The following DPYSL2 variants were observed in gnomAD, a reference collection of about 807,000 sequenced individuals.
DPYSL2 encodes the protein dihydropyrimidinase like 2, also known as dihydropyrimidinase-related protein 2.
In DPYSL2, 13 loss-of-function variants were observed where a neutral mutation model predicts 69.9. That is an observed-to-expected ratio of 0.19 (90% confidence interval 0.12 to 0.30). The LOEUF is 0.30. Among genes scored for constraint, DPYSL2 ranks in the 10% least tolerant of loss-of-function variants. DPYSL2 has a pLI of 1.00. For missense variants in DPYSL2, 587 were observed against 918.9 expected (o/e 0.64, Z 4.67); for synonymous variants, 326 against 359.1 (o/e 0.91, Z 1.04).
intron 1 of DPYSL2, among the ~76,000 whole-genome samples, chr8:26,567,354 G>T (rs1231230914): frequency 4.0e-5 from 5 of 124,000 alleles, no homozygotes; most frequent in Non-Finnish European, 5.4e-5. Flanking sequence ...ACATACATCT[G>T]CCCATCCATC....
chr8:26,561,240 A>G (rs1370599880), intron 1 of DPYSL2, among the ~76,000 whole-genome samples: 2 of 152,096 alleles, frequency 1.3e-5, no homozygotes, highest in Admixed American at 6.5e-5. Flanking sequence ...TGTCCAATAC[A>G]TGCTACTCTG....
intron 1 of DPYSL2, among the ~76,000 whole-genome samples, chr8:26,577,585 C>G (rs1801381173): frequency 6.7e-6 from 1 of 149,606 alleles, no homozygotes; most frequent in African/African-American, 2.4e-5. Flanking sequence ...CCCCGAAGCC[C>G]CGCCGTCTCG....
At chr8:26,577,159 C>A (rs753551371) in intron 1 of DPYSL2, 1 of 447,584 alleles carries the variant, frequency 2.2e-6, no homozygotes, top group South Asian at 1.6e-5. Flanking sequence ...TCAGGGCTCT[C>A]ATTTCCTGCA....
At chr8:26,576,939 GGAGCC>G in intron 1 of DPYSL2, 1 of 287,270 alleles carries the variant, frequency 3.5e-6, no homozygotes. Context: ...CACCCCTCAG[GGAGCC>G]GAGGTGGGCG....
At chr8:26,576,010 G>A (rs1241729379) in intron 1 of DPYSL2, among the ~76,000 whole-genome samples, 1 of 152,138 alleles carries the variant, frequency 6.6e-6, no homozygotes, top group Non-Finnish European at 1.5e-5. Flanking sequence ...CCGGTTGACA[G>A]CAATACTTGC....
At chr8:26,515,145 G>A (rs1808257002) in intron 1 of DPYSL2, among the ~76,000 whole-genome samples, 1 of 152,262 alleles carries the variant, frequency 6.6e-6, no homozygotes, top group Non-Finnish European at 1.5e-5. Flanking sequence ...TCGGACGGCC[G>A]CTCCCTACAG....
chr8:26,547,820 A>G, intron 1 of DPYSL2: 1 of 360,336 alleles, frequency 2.8e-6, no homozygotes, highest in Non-Finnish European at 5.8e-6. Context: ...TTCTTGCCAC[A>G]GAAAGTCATA....
intron 1 of DPYSL2, among the ~76,000 whole-genome samples, chr8:26,556,351 AG>A (rs1563385477): frequency 3.0e-3 from 38 of 12,796 alleles, no homozygotes; most frequent in East Asian, 8.6e-3. Flanking sequence ...ATATATATAT[AG>A]TATATATATA....
At chr8:26,548,693 A>G (rs1800822612) in intron 1 of DPYSL2, among the ~76,000 whole-genome samples, 1 of 151,794 alleles carries the variant, frequency 6.6e-6, no homozygotes, top group Non-Finnish European at 1.5e-5. Context: ...GACCAGCCTA[A>G]GCACTATAGT....
intron 1 of DPYSL2, among the ~76,000 whole-genome samples, chr8:26,579,283 C>A (rs1801431037): frequency 2.0e-5 from 3 of 152,262 alleles, no homozygotes; most frequent in Non-Finnish European, 4.4e-5. Context: ...CCTCAGAGAT[C>A]AGCACCAGTC....
At chr8:26,556,148 ATACTATATATAG>A (rs1158397235) in intron 1 of DPYSL2, among the ~76,000 whole-genome samples, 354 of 5,090 alleles carry the variant, frequency 0.07, 76 homozygotes, top group Non-Finnish European at 0.075. Flanking sequence ...TATATAGTAT[ATACTATATATAG>A]TATATACTAT....
At chr8:26,519,698 C>T (rs1027259711) in intron 1 of DPYSL2, among the ~76,000 whole-genome samples, 10 of 151,826 alleles carry the variant, frequency 6.6e-5, no homozygotes, top group Admixed American at 3.3e-4. Flanking sequence ...AATCTAGTAT[C>T]GTATTTCTTC....
chr8:26,524,366 T>C (rs927148383), intron 1 of DPYSL2, among the ~76,000 whole-genome samples: 2 of 152,182 alleles, frequency 1.3e-5, no homozygotes, highest in Non-Finnish European at 2.9e-5. Flanking sequence ...ATAACAAAAG[T>C]AAGTACCATG....
At position 26,647,921 on chromosome 8, in the gene DPYSL2, G is replaced by A. The variant is rs1011598299; in HGVS notation, c.1596+121G>A. On this transcript the variant is annotated intron_variant, in intron 11 of 13. Transcript: ENST00000521913. This position sits in a 1 kb window ranked among gnomAD's most constrained non-coding sequence, Gnocchi z 5.1. ...CTGTGATGGGAATGCGCTCGACTGA[G>A]GATGTTATGATTTGCAATTTGCTGG... 1 of 1,221,914 alleles carries A rather than the reference G, an allele frequency of 8.2e-7. No individual in the cohort carries two copies. Among genetic ancestry groups the A allele is most frequent in the Non-Finnish European group, 1.1e-6 (1 of 892,168 alleles). 75.7% of individuals were successfully genotyped at this position (1,221,914 alleles called of 1,614,324 possible).
In DPYSL2 at chr8:26,560,112, G is replaced by A. The variant is rs748699966; in HGVS notation, c.355-21857G>A. Reference sequence around the variant, plus strand: ...AGAAATAATGCAGATATGCTAAGCAGAGTTGGTTTAGCAGAAGACAGGGTG... The same window carrying A: ...AGAAATAATGCAGATATGCTAAGCAAAGTTGGTTTAGCAGAAGACAGGGTG... On this transcript the variant is annotated intron_variant, in intron 1 of 13. Coordinates refer to ENST00000521913, the MANE Select transcript of DPYSL2 (RefSeq NM_001197293.3). The surrounding 1 kb of genome is among the most constrained non-coding windows in gnomAD (Gnocchi z 4.4). 3.3e-5 allele frequency among the ~76,000 whole-genome samples: 5 copies of A among 152,242 alleles called. No homozygotes were observed. Among genetic ancestry groups the A allele is most frequent in the Non-Finnish European group, 4.4e-5 (3 of 68,032 alleles).
rs1803042960 is a variant in DPYSL2, at chr8:26,641,424, G to C, written c.1127-2015G>C. ...GGGTCAGGAGAGTTTTGCTTAACCAGATCTGTTTGATCCTTGAACCAAAAG... is the reference window on the plus strand; with the variant it reads ...GGGTCAGGAGAGTTTTGCTTAACCACATCTGTTTGATCCTTGAACCAAAAG... On this transcript the variant is annotated intron_variant, in intron 8 of 13. Transcript: ENST00000521913. The surrounding 1 kb of genome is among the most constrained non-coding windows in gnomAD (Gnocchi z 4.1). Among the ~76,000 whole-genome samples the C allele has an allele frequency of 1.3e-5, 2 of 152,212 alleles. No individual in the cohort carries two copies. The highest frequency in any genetic ancestry group is 4.1e-4 in the South Asian group (2 of 4,838).
chr8:26,595,780 C>G (rs1234893532), intron 3 of DPYSL2, among the ~76,000 whole-genome samples: 1 of 152,150 alleles, frequency 6.6e-6, no homozygotes, highest in Non-Finnish European at 1.5e-5. Context: ...GCTCTCTTCT[C>G]TCCAGCCGGG....
chr8:26,568,219 GT>G (rs1801183085), intron 1 of DPYSL2, among the ~76,000 whole-genome samples: 1 of 152,162 alleles, frequency 6.6e-6, no homozygotes, highest in African/African-American at 2.4e-5. Flanking sequence ...CAGTCGTTGG[GT>G]TGATGACACT....
rs1342854722 is a variant in DPYSL2 at position 26,654,188 on chromosome 8, G to A, written c.1942+791G>A. Among the ~76,000 whole-genome samples the A allele has an allele frequency of 1.3e-5, 2 of 152,144 alleles. No individual in the cohort carries two copies. Among genetic ancestry groups the A allele is most frequent in the Non-Finnish European group, 2.9e-5 (2 of 68,018 alleles). On this transcript the variant is annotated intron_variant, in intron 13 of 13. Coordinates refer to ENST00000521913, the MANE Select transcript of DPYSL2 (RefSeq NM_001197293.3). This position sits in a 1 kb window ranked among gnomAD's most constrained non-coding sequence, Gnocchi z 5.0. ...TGAGGTTGTTGTGAGGGTTAAATGGGTTAATATATATGTACAGTGCTTAGA... is the reference window on the plus strand; with the variant it reads ...TGAGGTTGTTGTGAGGGTTAAATGGATTAATATATATGTACAGTGCTTAGA...
Sources: allele counts gnomAD v4.1 joint callset (sites outside exome capture counted in the v4.1 genomes callset), GRCh38; gene constraint gnomAD v4.1.1; non-coding constraint Gnocchi (gnomAD v3.1); transcripts MANE v1.5; gene names NCBI Gene and HGNC (gene_info 2026-07-23, HGNC 2026-07-21).